The following NRDE2 variants were observed in gnomAD, a reference collection of about 807,000 sequenced individuals.
NRDE2 encodes the protein NRDE-2, necessary for RNA interference, domain containing, also known as nuclear exosome regulator NRDE2.
A neutral mutation model predicts 124.2 loss-of-function variants in NRDE2; 76 were observed. That is an observed-to-expected ratio of 0.61 (90% CI 0.51 to 0.74). The LOEUF is 0.74. Among genes scored for constraint, NRDE2 ranks in the 30% least tolerant of loss-of-function variants. The pLI is 0.00. For synonymous variants in NRDE2, 489 were observed against 528.1 expected, an observed-to-expected ratio of 0.93 and a Z score of 1.01; for missense variants, 1,314 against 1,417.3, an observed-to-expected ratio of 0.93 and a Z score of 1.17.
Position 90,270,588 on chromosome 14 carries a change from G to A in NRDE2, c.*7748C>T. On this transcript the variant is annotated 3_prime_UTR_variant, in exon 14 of 14. Coordinates refer to ENST00000354366, the MANE Select transcript of NRDE2 (RefSeq NM_017970.4). ...TCACCTGGAGCCACAAGGCTGAGTCGCTGGTACTAAGCCTTAGGCCCAGGT... is the reference window on the plus strand; with the variant it reads ...TCACCTGGAGCCACAAGGCTGAGTCACTGGTACTAAGCCTTAGGCCCAGGT... 9.2e-6 allele frequency: 4 copies of A among 432,610 alleles called. No individual in the cohort carries two copies. Among genetic ancestry groups the A allele is most frequent in the East Asian group, 7.9e-5 (2 of 25,200 alleles). 26.8% of individuals were successfully genotyped at this position (432,610 alleles called of 1,614,324 possible).
chr14:90,323,900 T>G (rs577680960), intron 1 of NRDE2, among the ~76,000 whole-genome samples: 1 of 152,250 alleles, frequency 6.6e-6, no homozygotes, highest in South Asian at 2.1e-4. Flanking sequence ...TTCCGTAATT[T>G]TTTACTGACA....
In NRDE2 at chr14:90,288,823, G is replaced by A; in HGVS notation, c.2552C>T (p.Thr851Ile). The change falls in exon 11 of 14, where the codon ACC becomes ATC. Residue 851 changes from threonine (T) to isoleucine (I), a missense_variant. By Grantham distance (89) the Thr-to-Ile change is moderately conservative. Transcript: ENST00000354366. ...ATAGGGGCTGCTCTCAGTCAGCTTGGTTAATATGTGAACAGCTCGAGCTGT... is the reference window on the plus strand; with the variant it reads ...ATAGGGGCTGCTCTCAGTCAGCTTGATTAATATGTGAACAGCTCGAGCTGT... ...AATARAVHILTKLTESSPYGP... is the reference protein window; with the variant it reads ...AATARAVHILIKLTESSPYGP... The A allele has an allele frequency of 6.2e-7, 1 of 1,614,154 alleles. No homozygotes were observed. Among genetic ancestry groups the A allele is most frequent in the Non-Finnish European group, 8.5e-7 (1 of 1,180,038 alleles).
rs1003806505 is a variant in NRDE2, at chr14:90,276,966, G to C, written c.*1370C>G. ...TCTTTGTGGGCAGCCAGGAACTCAT[G>C]ACAGTTCAAGCCAGTTAGCTCTCAG... On this transcript the variant is annotated 3_prime_UTR_variant, in exon 14 of 14. Transcript: ENST00000354366. The C allele has an allele frequency of 6.6e-6, 1 of 152,252 alleles. No homozygotes were observed. The allele number at this position is 152,252 out of a possible 1,614,324, so 9.4% of individuals were successfully genotyped here.
At chr14:90,294,324 G>T (rs1201090096) in intron 8 of NRDE2, among the ~76,000 whole-genome samples, 1 of 151,740 alleles carries the variant, frequency 6.6e-6, no homozygotes, top group Non-Finnish European at 1.5e-5. Context: ...CTAGACACAG[G>T]ATTACCATAT....
intron 1 of NRDE2, among the ~76,000 whole-genome samples, chr14:90,324,875 T>C (rs1367537148): frequency 6.6e-6 from 1 of 152,180 alleles, no homozygotes; most frequent in Non-Finnish European, 1.5e-5. Context: ...AACCAGTGAA[T>C]GGCACATAGT....
At chr14:90,278,766 G>T in intron 13 of NRDE2, 1 of 534,828 alleles carries the variant, frequency 1.9e-6, no homozygotes. Flanking sequence ...TCACAGCCAG[G>T]CTGGGACATG....
chr14:90,330,258 G>A (rs1267287611), intron 1 of NRDE2, among the ~76,000 whole-genome samples: 1 of 113,086 alleles, frequency 8.8e-6, no homozygotes, highest in Non-Finnish European at 1.9e-5. Flanking sequence ...TAATCCTGCA[G>A]TTCACCTATG....
rs763897505 is a variant in NRDE2 at position 90,304,025 on chromosome 14, C to T, written c.915G>A (p.Ala305=). The change falls in exon 5 of 14, where the codon GCG becomes GCA. Residue 305 remains alanine (A), a synonymous_variant. Coordinates refer to ENST00000354366, the MANE Select transcript of NRDE2 (RefSeq NM_017970.4). ...QPDAQPDSES[A]ALKAKVEEFN... ...ACTCCTCCACCTTGGCCTTGAGAGC[C>T]GCACTCTCGCTGTCTGGCTGTGCGT... The T allele has an allele frequency of 6.8e-6, 11 of 1,613,942 alleles. No individual in the cohort carries two copies. In the South Asian group the frequency reaches 7.7e-5, roughly 11 times the overall value.
chr14:90,322,796 ATC>A (rs1260892919), intron 1 of NRDE2, among the ~76,000 whole-genome samples: 1 of 152,258 alleles, frequency 6.6e-6, no homozygotes, highest in African/African-American at 2.4e-5. Flanking sequence ...GGAGAGAGTT[ATC>A]TGAGATGAAA....
chr14:90,317,924 T>C, intron 2 of NRDE2, 81 bp downstream of exon 2: 1 of 961,722 alleles, frequency 1.0e-6, no homozygotes, highest in Non-Finnish European at 1.6e-6. Flanking sequence ...TTTATTAGAG[T>C]TTTCTAAGGA....
intron 1 of NRDE2, among the ~76,000 whole-genome samples, 197 bp downstream of exon 1, chr14:90,331,644 T>C (rs1053555954): frequency 1.3e-5 from 2 of 152,208 alleles, no homozygotes; most frequent in East Asian, 3.8e-4. Flanking sequence ...TCCATAACTC[T>C]ACAACCTTGG....
chr14:90,326,329 C>T (rs1406568432), intron 1 of NRDE2, among the ~76,000 whole-genome samples: 1 of 150,966 alleles, frequency 6.6e-6, no homozygotes, highest in South Asian at 2.1e-4. Flanking sequence ...CCCGTCTCTA[C>T]TAAAAATACA....
At position 90,273,985 on chromosome 14, in the gene NRDE2, C is replaced by CTTAAT. The variant is rs1891734043; in HGVS notation, c.*4346_*4350dup. 2 of 146,840 alleles carry CTTAAT rather than the reference C, an allele frequency of 1.4e-5. No homozygotes were observed. The highest frequency in any genetic ancestry group is 4.4e-4 in the South Asian group (2 of 4,582). The allele number at this position is 146,840 out of a possible 1,614,324, so 9.1% of individuals were successfully genotyped here. ...TCCCTGTTTTAAAGTTTACAATCTT[C>CTTAAT]TTAATTTTTATCTGCAAAGTTCCTT... On this transcript the variant is annotated 3_prime_UTR_variant, in exon 14 of 14. Transcript: ENST00000354366.
At chr14:90,280,805 A>G (rs1193246217) in intron 12 of NRDE2, 10 of 152,344 alleles carry the variant, frequency 6.6e-5, no homozygotes, top group Admixed American at 2.6e-4. Context: ...GAAATTCCTA[A>G]GTCAGGACTG....
chr14:90,297,767 C>T (rs771195450), intron 8 of NRDE2, among the ~76,000 whole-genome samples: 2 of 151,852 alleles, frequency 1.3e-5, no homozygotes, highest in African/African-American at 2.4e-5. Context: ...ACATGGCGAC[C>T]CTATCTCTAC....
Position 90,278,316 on chromosome 14 carries a change from GC to G in NRDE2, c.*19del, listed in dbSNP as rs1269651393. On this transcript the variant is annotated 3_prime_UTR_variant, in exon 14 of 14. Transcript: ENST00000354366. ...TGGGCAACTTGGCCTCGCAGGCACAGCCCGTTTTCCCGCTGCTCTCTAATCC... is the reference window on the plus strand; with the variant it reads ...TGGGCAACTTGGCCTCGCAGGCACAGCCGTTTTCCCGCTGCTCTCTAATCC... 1.8e-5 allele frequency: 29 copies of G among 1,613,818 alleles called. No homozygotes were observed. The highest frequency in any genetic ancestry group is 2.4e-5 in the Non-Finnish European group (28 of 1,179,924).
At chr14:90,294,396 C>T (rs999365737) in intron 8 of NRDE2, among the ~76,000 whole-genome samples, 2 of 151,950 alleles carry the variant, frequency 1.3e-5, no homozygotes, top group Non-Finnish European at 2.9e-5. Flanking sequence ...CAAACAGATA[C>T]TGTACACCCA....
Position 90,288,947 on chromosome 14 carries a change from C to CCATG in NRDE2, c.2424_2427dup (p.Ala810HisfsTer11), listed in dbSNP as rs752152994. ...GAGTCTTTCAGTTCTCTGCTTCCTG[C>CCATG]CATGCCAAGTGCTGTGTCAAAAACT... On this transcript the variant is annotated frameshift_variant, in exon 11 of 14. Coordinates refer to ENST00000354366, the MANE Select transcript of NRDE2 (RefSeq NM_017970.4). LOFTEE classifies it high-confidence loss of function. The CCATG allele has an allele frequency of 6.2e-7, 1 of 1,612,106 alleles. No homozygotes were observed. Among genetic ancestry groups the CCATG allele is most frequent in the South Asian group, 1.1e-5 (1 of 91,056 alleles).
intron 12 of NRDE2, among the ~76,000 whole-genome samples, chr14:90,285,749 C>T (rs1374272522): frequency 5.3e-5 from 8 of 152,112 alleles, no homozygotes; most frequent in Non-Finnish European, 1.0e-4. Context: ...CCTCCTGCCT[C>T]AACCTCTGAT....
Sources: gnomAD v4.1 joint callset for allele counts (sites outside exome capture counted in the v4.1 genomes callset) on GRCh38, gnomAD v4.1.1 for gene constraint, MANE v1.5 for transcripts, NCBI Gene and HGNC (gene_info 2026-07-23, HGNC 2026-07-21) for gene names.